Variants in EYA4 observed in about 807,000 individuals in gnomAD.
EYA4 encodes EYA transcriptional coactivator and phosphatase 4.
A neutral mutation model predicts 87.9 loss-of-function variants in EYA4; 31 were observed. The observed-to-expected ratio is 0.35, with a 90% confidence interval of 0.27 to 0.48. The LOEUF (loss-of-function observed/expected upper bound fraction) is 0.48. EYA4 is among the 20% of genes least tolerant of loss of function. The pLI, the probability that EYA4 is intolerant of heterozygous loss-of-function variation, is 0.99. For synonymous variants in EYA4, 263 were observed against 270.6 expected (o/e 0.97, Z 0.28); for missense variants, 678 against 761.4 (o/e 0.89, Z 1.29).
intron 3 of EYA4, among the ~76,000 whole-genome samples, chr6:133,411,787 T>G (rs2128541961): frequency 6.6e-6 from 1 of 152,356 alleles, no homozygotes; most frequent in South Asian, 2.1e-4. Context: ...TATAAATAAT[T>G]CATTGAATAT....
chr6:133,287,189 C>A (rs1291179140), intron 2 of EYA4, among the ~76,000 whole-genome samples: 3 of 152,008 alleles, frequency 2.0e-5, no homozygotes, highest in South Asian at 4.1e-4. Context: ...GAGGGAACTG[C>A]AATGAAAAGC....
In EYA4 at chr6:133,411,563, C is replaced by A. The variant is rs1218474723; in HGVS notation, c.83+29122C>A. Among the ~76,000 whole-genome samples, 4 of 150,952 alleles carry A rather than the reference C, an allele frequency of 2.6e-5. No individual in the cohort carries two copies. In the East Asian group the frequency reaches 5.9e-4, roughly 22 times the overall value. On this transcript the variant is annotated intron_variant, in intron 3 of 19. Coordinates refer to ENST00000355286, the MANE Select transcript of EYA4 (RefSeq NM_004100.5). ...TGTGTGTATCTGTATATCTGTCTAT[C>A]TATATATATATATATTCGGTCTTTT...
intron 2 of EYA4, among the ~76,000 whole-genome samples, chr6:133,374,820 G>A (rs1369686120): frequency 6.6e-6 from 1 of 151,926 alleles, no homozygotes; most frequent in African/African-American, 2.4e-5. Flanking sequence ...ACATTTTACA[G>A]CTGCAAGATC....
At chr6:133,506,251 T>G in intron 14 of EYA4, 56 bp downstream of exon 14, 1 of 951,426 alleles carries the variant, frequency 1.1e-6, no homozygotes, top group Non-Finnish European at 1.7e-6. Context: ...TCCTAGATGG[T>G]TTCTGTATCT....
intron 1 of EYA4, among the ~76,000 whole-genome samples, chr6:133,257,360 G>A (rs1309117393): frequency 6.6e-6 from 1 of 152,082 alleles, no homozygotes; most frequent in Non-Finnish European, 1.5e-5. Flanking sequence ...ACGTAGGTGA[G>A]GCCTGTGATG....
chr6:133,414,280 A>G (rs912139920), intron 3 of EYA4, among the ~76,000 whole-genome samples: 5 of 151,958 alleles, frequency 3.3e-5, no homozygotes, highest in African/African-American at 1.2e-4. Flanking sequence ...TTCTTTGTCT[A>G]GCTTCTGTTT....
At chr6:133,377,358 A>G (rs1203461090) in intron 2 of EYA4, among the ~76,000 whole-genome samples, 1 of 151,980 alleles carries the variant, frequency 6.6e-6, no homozygotes, top group South Asian at 2.1e-4. Context: ...CTAACAGCAC[A>G]TCTCCGTTCA....
chr6:133,280,860 A>G (rs1027756082), intron 2 of EYA4, among the ~76,000 whole-genome samples: 7 of 151,912 alleles, frequency 4.6e-5, no homozygotes, highest in African/African-American at 1.4e-4. Context: ...CCATTAGCAC[A>G]CTCCCCATTC....
At chr6:133,264,898 C>G (rs1776089370) in intron 1 of EYA4, among the ~76,000 whole-genome samples, 1 of 152,094 alleles carries the variant, frequency 6.6e-6, no homozygotes, top group Non-Finnish European at 1.5e-5. Context: ...GTGTCGTGAT[C>G]ATAGCTCACT....
At chr6:133,349,268 A>G (rs1404315119) in intron 2 of EYA4, among the ~76,000 whole-genome samples, 1 of 152,218 alleles carries the variant, frequency 6.6e-6, no homozygotes, top group Non-Finnish European at 1.5e-5. Flanking sequence ...TACTTGCTTT[A>G]CTTTGCCCAA....
intron 13 of EYA4, among the ~76,000 whole-genome samples, chr6:133,486,344 T>C (rs1389766988): frequency 5.3e-5 from 8 of 151,798 alleles, no homozygotes; most frequent in Non-Finnish European, 1.5e-5. Flanking sequence ...AAGGCCCATC[T>C]TATGAAGCTA....
Position 133,529,897 on chromosome 6 carries a change from G to A in EYA4, c.*1092G>A. The A allele has an allele frequency of 1.0e-6, 1 of 985,128 alleles. No homozygotes were observed. Among genetic ancestry groups the A allele is most frequent in the African/African-American group, 1.7e-5 (1 of 57,354 alleles). 61.0% of individuals were successfully genotyped at this position (985,128 alleles called of 1,614,324 possible). A position where few individuals can be genotyped will look rare whatever the true frequency, so the allele number is the denominator to read the frequency against. ...ACTTTTGATATGTGTAAGTTGCATAGAGGAGGATATTATCATGCAAATCAT... is the reference window on the plus strand; with the variant it reads ...ACTTTTGATATGTGTAAGTTGCATAAAGGAGGATATTATCATGCAAATCAT... On this transcript the variant is annotated 3_prime_UTR_variant, in exon 20 of 20. Coordinates refer to ENST00000355286, the MANE Select transcript of EYA4 (RefSeq NM_004100.5).
intron 13 of EYA4, among the ~76,000 whole-genome samples, chr6:133,493,411 G>C (rs770950380): frequency 2.6e-4 from 39 of 152,120 alleles, no homozygotes; most frequent in Non-Finnish European, 4.4e-5. Flanking sequence ...AACGAAACTA[G>C]ACCCCTATCT....
chr6:133,436,279 C>T (rs1791673454), intron 3 of EYA4, among the ~76,000 whole-genome samples: 1 of 151,728 alleles, frequency 6.6e-6, no homozygotes, highest in South Asian at 2.1e-4. Context: ...CTAATTCCAT[C>T]TCCCCTTACC....
rs146083597 is a variant in EYA4 at position 133,388,534 on chromosome 6, G to T, written c.83+6093G>T. 9.1e-4 allele frequency among the ~76,000 whole-genome samples: 138 copies of T among 152,200 alleles called. 6 individuals carry two copies. The South Asian group carries it at 0.028, about 31-fold the overall frequency. ...TAACTTATCTTTATTGGCCAGTGTA[G>T]CTGAGTGTTATTTTTGTACACTTTT... On this transcript the variant is annotated intron_variant, in intron 3 of 19. Coordinates refer to ENST00000355286, the MANE Select transcript of EYA4 (RefSeq NM_004100.5).
intron 3 of EYA4, among the ~76,000 whole-genome samples, chr6:133,385,148 A>G (rs1407937391): frequency 6.6e-6 from 1 of 151,616 alleles, no homozygotes; most frequent in Admixed American, 6.6e-5. Flanking sequence ...AAAAACAAAA[A>G]ATTAGCCAGG....
intron 18 of EYA4, 99 bp from the exon 19 acceptor site, chr6:133,525,055 C>G: frequency 6.2e-7 from 1 of 1,613,642 alleles, no homozygotes; most frequent in Non-Finnish European, 8.5e-7. Flanking sequence ...CCAGATTTGG[C>G]ACTAACATAA....
At chr6:133,375,196 A>G (rs951714406) in intron 2 of EYA4, among the ~76,000 whole-genome samples, 2 of 152,120 alleles carry the variant, frequency 1.3e-5, no homozygotes, top group African/African-American at 4.8e-5. Flanking sequence ...CTAGCAGTAC[A>G]CCAATCCTAT....
intron 2 of EYA4, among the ~76,000 whole-genome samples, chr6:133,350,209 A>G (rs1237146564): frequency 6.6e-6 from 1 of 152,152 alleles, no homozygotes; most frequent in South Asian, 2.1e-4. Flanking sequence ...ATTATGTGCC[A>G]TGCAGTGTTC....
Sources: gnomAD v4.1 joint callset for allele counts (sites outside exome capture counted in the v4.1 genomes callset) on GRCh38, gnomAD v4.1.1 for gene constraint, MANE v1.5 for transcripts, NCBI Gene and HGNC (gene_info 2026-07-23, HGNC 2026-07-21) for gene names.